Variants in BAZ2B observed in about 807,000 individuals in gnomAD.
BAZ2B encodes the protein bromodomain adjacent to zinc finger domain 2B.
Under a neutral mutation model 246.0 loss-of-function variants are expected in BAZ2B, and 91 were observed. That is an observed-to-expected ratio of 0.37 (90% CI 0.31 to 0.44). The LOEUF (loss-of-function observed/expected upper bound fraction) is 0.44, where lower values mean the gene tolerates loss of function less well. BAZ2B is among the 20% of genes least tolerant of loss of function. The pLI, the probability that BAZ2B is intolerant of heterozygous loss-of-function variation, is 1.00. For synonymous variants in BAZ2B, 855 were observed against 860.0 expected (o/e 0.99, Z 0.10); for missense variants, 2,332 against 2,533.7 (o/e 0.92, Z 1.71).
intron 1 of BAZ2B, among the ~76,000 whole-genome samples, chr2:159,573,879 C>T (rs191693427): frequency 2.6e-5 from 4 of 152,210 alleles, no homozygotes; most frequent in African/African-American, 4.8e-5. Flanking sequence ...GTAGGTAGAT[C>T]GCTTGAGCCC....
chr2:159,334,833 T>C (rs1425891206), intron 33 of BAZ2B, among the ~76,000 whole-genome samples: 1 of 152,256 alleles, frequency 6.6e-6, no homozygotes, highest in Non-Finnish European at 1.5e-5. Context: ...GAACACATCA[T>C]GATGACTGCT....
At chr2:159,368,871 A>C (rs1449523429) in intron 27 of BAZ2B, among the ~76,000 whole-genome samples, 39 of 151,384 alleles carry the variant, frequency 2.6e-4, no homozygotes, top group Admixed American at 2.4e-3. Context: ...AAAAAAAAAA[A>C]AAAAAAAAAA....
chr2:159,698,544 A>AAAAAAAAC, the BAZ2B span, among the ~76,000 whole-genome samples: 1 of 147,268 alleles, frequency 6.8e-6, no homozygotes, highest in African/African-American at 2.6e-5. Context: ...AAAACAAAGA[A>AAAAAAAAC]AAAGAGAATG....
At chr2:159,665,103 T>G in the BAZ2B span, among the ~76,000 whole-genome samples, 1 of 126,984 alleles carries the variant, frequency 7.9e-6, no homozygotes, top group Non-Finnish European at 1.6e-5. Flanking sequence ...CATTCACAAT[T>G]GCTTCAAAGA....
intron 31 of BAZ2B, among the ~76,000 whole-genome samples, chr2:159,344,629 A>G (rs980721600): frequency 6.6e-6 from 1 of 152,208 alleles, no homozygotes; most frequent in African/African-American, 2.4e-5. Context: ...CCAGGTATTC[A>G]ACAACAGATA....
intron 21 of BAZ2B, among the ~76,000 whole-genome samples, chr2:159,388,811 A>C (rs371801388): frequency 6.6e-6 from 1 of 152,214 alleles, no homozygotes; most frequent in Admixed American, 6.6e-5. Context: ...CTGTGCCTGG[A>C]ATCCCAGAAC....
At chr2:159,632,811 T>C in the BAZ2B span, among the ~76,000 whole-genome samples, 1 of 152,220 alleles carries the variant, frequency 6.6e-6, no homozygotes, top group Non-Finnish European at 1.5e-5. Context: ...TAGCAAGAAG[T>C]TGTTCACATC....
chr2:159,318,134 A>G (rs2062305704), downstream of BAZ2B, among the ~76,000 whole-genome samples: 1 of 152,214 alleles, frequency 6.6e-6, no homozygotes, highest in Admixed American at 6.5e-5. Context: ...ATCTAATATA[A>G]ATTAACATAA....
chr2:159,472,746 G>A (rs566628011), intron 3 of BAZ2B, among the ~76,000 whole-genome samples: 84 of 152,140 alleles, frequency 5.5e-4, no homozygotes, highest in Non-Finnish European at 1.1e-3. Flanking sequence ...AAATAATCGT[G>A]TGGATTTTGT....
chr2:159,647,567 G>A, the BAZ2B span, among the ~76,000 whole-genome samples: 1 of 152,130 alleles, frequency 6.6e-6, no homozygotes, highest in Non-Finnish European at 1.5e-5. Flanking sequence ...AGCACCCCAT[G>A]GCCCAGATTA....
rs1227257872 is a variant in BAZ2B, at chr2:159,438,537, C to G, written c.1059G>C (p.Gln353His). ...QQKQPQVLSQ[Q>H]LPFIFQSSQA... ...GAGAGCTTTGGAAAATAAATGGAAGCTGCTGTGACAAAACCTGAGGCTGCT... is the reference window on the plus strand; with the variant it reads ...GAGAGCTTTGGAAAATAAATGGAAGGTGCTGTGACAAAACCTGAGGCTGCT... The change falls in exon 8 of 37, where the codon CAG becomes CAC. Residue 353 changes from glutamine to histidine, a missense_variant. Coordinates refer to ENST00000392783, the MANE Select transcript of BAZ2B (RefSeq NM_013450.4). The G allele has an allele frequency of 6.2e-7, 1 of 1,614,012 alleles. No individual in the cohort carries two copies. Among genetic ancestry groups the G allele is most frequent in the Non-Finnish European group, 8.5e-7 (1 of 1,180,010 alleles).
chr2:159,513,582 C>G (rs887015408), intron 2 of BAZ2B, among the ~76,000 whole-genome samples: 6 of 152,164 alleles, frequency 3.9e-5, no homozygotes, highest in African/African-American at 1.4e-4. Context: ...CACCATCCTT[C>G]CAGCTGCCAA....
rs2067618948 is a variant in BAZ2B at position 159,415,844 on chromosome 2, T to C, written c.2467-3299A>G. Among the ~76,000 whole-genome samples the C allele has an allele frequency of 2.0e-5, 3 of 152,234 alleles. No individual in the cohort carries two copies. The South Asian group carries it at 6.2e-4, about 31-fold the overall frequency. On this transcript the variant is annotated intron_variant, in intron 13 of 36. Coordinates refer to ENST00000392783, the MANE Select transcript of BAZ2B (RefSeq NM_013450.4). ...TTATGGATAATAGCTACATCTCACATTCTAAGTATTGTGCTTTGTTCCAGA... is the reference window on the plus strand; with the variant it reads ...TTATGGATAATAGCTACATCTCACACTCTAAGTATTGTGCTTTGTTCCAGA...
At chr2:159,495,827 T>G (rs1411221377) in intron 2 of BAZ2B, among the ~76,000 whole-genome samples, 2 of 150,658 alleles carry the variant, frequency 1.3e-5, no homozygotes, top group African/African-American at 2.4e-5. Flanking sequence ...TGCAGTGCAG[T>G]GGGTCATTCG....
intron 2 of BAZ2B, among the ~76,000 whole-genome samples, chr2:159,522,108 T>C (rs2084200122): frequency 6.6e-6 from 1 of 152,048 alleles, no homozygotes; most frequent in African/African-American, 2.4e-5. Flanking sequence ...GGTCTGCAAA[T>C]GTTGATTACC....
At chr2:159,570,160 A>C (rs1025777246) in intron 1 of BAZ2B, among the ~76,000 whole-genome samples, 7 of 150,506 alleles carry the variant, frequency 4.7e-5, no homozygotes, top group African/African-American at 1.7e-4. Flanking sequence ...TAGAAAACAG[A>C]ATTTCATTAA....
At chr2:159,541,001 T>C (rs1431023380) in intron 2 of BAZ2B, among the ~76,000 whole-genome samples, 1 of 152,178 alleles carries the variant, frequency 6.6e-6, no homozygotes, top group Non-Finnish European at 1.5e-5. Context: ...TCTGCTGAAA[T>C]AATAATAACA....
At chr2:159,587,396 C>G (rs1447047842) in intron 1 of BAZ2B, among the ~76,000 whole-genome samples, 2 of 152,026 alleles carry the variant, frequency 1.3e-5, no homozygotes, top group Non-Finnish European at 2.9e-5. Flanking sequence ...TCTTAATTGC[C>G]TATCTAAACC....
At chr2:159,397,279 C>T (rs1272683844) in intron 19 of BAZ2B, 66 bp downstream of exon 19, 1 of 1,343,392 alleles carries the variant, frequency 7.4e-7, no homozygotes, top group Non-Finnish European at 1.0e-6. Flanking sequence ...AGATTTTCCC[C>T]CAAATAGGTT....
Sources: gnomAD v4.1 joint callset for allele counts (sites outside exome capture counted in the v4.1 genomes callset) on GRCh38, gnomAD v4.1.1 for gene constraint, MANE v1.5 for transcripts, NCBI Gene and HGNC (gene_info 2026-07-23, HGNC 2026-07-21) for gene names.